MAP2K7: variants seen among roughly 807,000 people sequenced by gnomAD.
MAP2K7 encodes the protein mitogen-activated protein kinase kinase 7, also known as dual specificity mitogen-activated protein kinase kinase 7.
MAP2K7 carries 12 observed loss-of-function variants against 47.7 expected under a neutral mutation model. The ratio of observed to expected loss-of-function variants is 0.25; its 90% confidence interval spans 0.16 to 0.41. The LOEUF (loss-of-function observed/expected upper bound fraction) is 0.41. MAP2K7 is among the 10% of genes least tolerant of loss of function. The probability of loss-of-function intolerance (pLI) is 1.00; values close to 1 mark genes in which losing one functional copy is unlikely to be tolerated. For missense variants in MAP2K7, 415 were observed against 600.3 expected, an observed-to-expected ratio of 0.69 and a Z score of 3.23; for synonymous variants, 299 against 243.0, an observed-to-expected ratio of 1.23 and a Z score of -2.14.
rs1040881340 is a variant in MAP2K7, at chr19:7,913,035, GCGCT to G, written c.*608_*611del. On this transcript the variant is annotated 3_prime_UTR_variant, in exon 11 of 11. Coordinates refer to ENST00000397979, the MANE Select transcript of MAP2K7 (RefSeq NM_145185.4). ...TGCCACTGCGGCTGGACGGGGCTGCGCGCTCGCGCTCTCTCTCTCTCTCTCTCTC... is the reference window on the plus strand; with the variant it reads ...TGCCACTGCGGCTGGACGGGGCTGCGCGCGCTCTCTCTCTCTCTCTCTCTC... 5 of 142,074 alleles carry G rather than the reference GCGCT, an allele frequency of 3.5e-5. No homozygotes were observed. The highest frequency in any genetic ancestry group is 1.3e-4 in the African/African-American group (5 of 38,700). The allele number at this position is 142,074 out of a possible 1,614,324, so 8.8% of individuals were successfully genotyped here. A position where few individuals can be genotyped will look rare whatever the true frequency, so the allele number is the denominator to read the frequency against.
rs1465527349 is a variant in MAP2K7 at position 7,909,858 on chromosome 19, G to A, written c.228G>A (p.Gly76=). The part of the protein sequence containing the change: ...TPPARPRHML[G]LPSTLFTPRS... ...CCGCCCGGCCCCGCCACATGCTGGG[G>A]CTCCCGTCAACCCTGTTCACACCCC... Residue 76 remains glycine (G), a synonymous_variant, in exon 2 of 11, where the codon GGG becomes GGA. Coordinates refer to ENST00000397979, the MANE Select transcript of MAP2K7 (RefSeq NM_145185.4). The A allele has an allele frequency of 4.6e-6, 7 of 1,538,106 alleles. No homozygotes were observed. Among genetic ancestry groups the A allele is most frequent in the Non-Finnish European group, 6.1e-6 (7 of 1,141,848 alleles).
chr19:7,911,020 T>A lies in MAP2K7; in HGVS notation c.716T>A (p.Val239Asp). ...TACTACCTGAAGGAGAAGCACGGTGTCATCCACCGCGACGTCAAGCCCTCC... is the reference window on the plus strand; with the variant it reads ...TACTACCTGAAGGAGAAGCACGGTGACATCCACCGCGACGTCAAGCCCTCC... Reference protein sequence around the residue: ...ALYYLKEKHGVIHRDVKPSNI... With the variant: ...ALYYLKEKHGDIHRDVKPSNI... The change falls in exon 7 of 11, where the codon GTC (valine) becomes GAC (aspartate). Residue 239 changes from valine (V) to aspartate (D), a missense_variant. Physicochemically the swap from Val to Asp is radical, Grantham distance 152. Around this residue, in one of 3 missense-constraint regions of MAP2K7, gnomAD observed 206 missense variants for 368.8 expected, o/e 0.56. Transcript: ENST00000397979. The A allele has an allele frequency of 6.2e-7, 1 of 1,612,390 alleles. No homozygotes were observed. The highest frequency in any genetic ancestry group is 8.5e-7 in the Non-Finnish European group (1 of 1,179,566).
chr19:7,904,702 C>G (rs943871890), intron 1 of MAP2K7, among the ~76,000 whole-genome samples: 1 of 152,084 alleles, frequency 6.6e-6, no homozygotes, highest in Non-Finnish European at 1.5e-5. Flanking sequence ...TCAGCAGACC[C>G]CCTCCCACAT....
chr19:7,912,579 A>ACCCCCCCCCCC lies in MAP2K7; in HGVS notation c.*156_*157insCCCCCCCCCCC, dbSNP rs918753935. 1 of 752,158 alleles carries ACCCCCCCCCCC rather than the reference A, an allele frequency of 1.3e-6. No homozygotes were observed. 46.6% of individuals were successfully genotyped at this position (752,158 alleles called of 1,614,324 possible). A position where few individuals can be genotyped will look rare whatever the true frequency, so the allele number is the denominator to read the frequency against. ...GACAGAGAGTGGGGGGTGCCCACCC[A>ACCCCCCCCCCC]CCCCCCCCGCCCCGGGCCTACCAAG... On this transcript the variant is annotated 3_prime_UTR_variant, in exon 11 of 11. Transcript: ENST00000397979.
At position 7,910,704 on chromosome 19, in the gene MAP2K7, C is replaced by T. The variant is rs1982779701; in HGVS notation, c.576C>T (p.Val192=). The T allele has an allele frequency of 6.2e-7, 1 of 1,609,732 alleles. No homozygotes were observed. Among genetic ancestry groups the T allele is most frequent in the Non-Finnish European group, 8.5e-7 (1 of 1,178,030 alleles). Residue 192 remains valine, a synonymous_variant, in exon 6 of 11, where the codon GTC becomes GTT. Coordinates refer to ENST00000397979, the MANE Select transcript of MAP2K7 (RefSeq NM_145185.4). ...CFGTFITNTD[V]FIAMELMGTC... ...TGCCCCTCTCCCTGCAGACGGACGT[C>T]TTCATCGCCATGGAGCTCATGGGCA...
rs951244453 is a variant in MAP2K7 at position 7,912,700 on chromosome 19, C to G, written c.*269C>G. The G allele has an allele frequency of 1.9e-6, 1 of 521,900 alleles. No individual in the cohort carries two copies. The highest frequency in any genetic ancestry group is 3.4e-6 in the Non-Finnish European group (1 of 291,958). 32.3% of individuals were successfully genotyped at this position (521,900 alleles called of 1,614,324 possible). On this transcript the variant is annotated 3_prime_UTR_variant, in exon 11 of 11. Coordinates refer to ENST00000397979, the MANE Select transcript of MAP2K7 (RefSeq NM_145185.4). Reference sequence around the variant, plus strand: ...GCAGGCCGCGATCAGAGTCGCTGTTCATTCAGCCGCAGCCTCTGGGCCGGG... The same window carrying G: ...GCAGGCCGCGATCAGAGTCGCTGTTGATTCAGCCGCAGCCTCTGGGCCGGG...
intron 1 of MAP2K7, among the ~76,000 whole-genome samples, chr19:7,908,108 T>C (rs1199887422): frequency 6.7e-6 from 1 of 149,886 alleles, no homozygotes; most frequent in Middle Eastern, 3.2e-3. Flanking sequence ...GATGTTGCAG[T>C]GAGTTGAGAT....
chr19:7,911,193 G>T (rs751657972), intron 7 of MAP2K7, 34 bp downstream of exon 7: 2 of 1,607,862 alleles, frequency 1.2e-6, no homozygotes, highest in South Asian at 2.2e-5. Context: ...GGAGGGGGTG[G>T]GGGCTGGGAG....
chr19:7,905,344 C>T (rs1459775206), intron 1 of MAP2K7, among the ~76,000 whole-genome samples: 2 of 152,214 alleles, frequency 1.3e-5, no homozygotes, highest in Admixed American at 6.5e-5. Context: ...GTCCCTCCCT[C>T]TCCTGACCTG....
At position 7,913,058 on chromosome 19, in the gene MAP2K7, C is replaced by G. The variant is rs1381927818; in HGVS notation, c.*627C>G. The G allele has an allele frequency of 6.5e-6, 1 of 153,166 alleles. No individual in the cohort carries two copies. The highest frequency in any genetic ancestry group is 1.5e-5 in the Non-Finnish European group (1 of 68,568). The allele number at this position is 153,166 out of a possible 1,614,324, so 9.5% of individuals were successfully genotyped here. A position where few individuals can be genotyped will look rare whatever the true frequency, so the allele number is the denominator to read the frequency against. ...GCGCGCTCGCGCTCTCTCTCTCTCT[C>G]TCTCTCTCTCTTTGATCTCAGGGGG... On this transcript the variant is annotated 3_prime_UTR_variant, in exon 11 of 11. Transcript: ENST00000397979.
chr19:7,908,034 G>A (rs990615219), intron 1 of MAP2K7, among the ~76,000 whole-genome samples: 5 of 152,118 alleles, frequency 3.3e-5, no homozygotes, highest in African/African-American at 9.7e-5. Context: ...GTGTGGTGGC[G>A]TGTACCTATA....
intron 9 of MAP2K7, 92 bp downstream of exon 9, chr19:7,911,670 C>T: frequency 7.6e-7 from 1 of 1,317,166 alleles, no homozygotes; most frequent in Non-Finnish European, 1.0e-6. Flanking sequence ...GAGGCCGCAC[C>T]CTGGGATGGG....
chr19:7,905,336 C>T (rs904000450), intron 1 of MAP2K7, among the ~76,000 whole-genome samples: 1 of 152,222 alleles, frequency 6.6e-6, no homozygotes, highest in Non-Finnish European at 1.5e-5. Context: ...ACCCTCCTGT[C>T]CCTCCCTCTC....
intron 6 of MAP2K7, 70 bp from the exon 7 acceptor site, chr19:7,910,910 G>C: frequency 6.3e-7 from 1 of 1,584,532 alleles, no homozygotes; most frequent in East Asian, 2.3e-5. Context: ...GGCCAGGTGG[G>C]GCGTGCACCG....
chr19:7,905,897 T>C (rs770531539), intron 1 of MAP2K7: 9 of 1,591,966 alleles, frequency 5.7e-6, no homozygotes, highest in Non-Finnish European at 4.3e-6. Flanking sequence ...ATCTGCACCA[T>C]TGACCTAACC....
At position 7,911,111 on chromosome 19, in the gene MAP2K7, G is replaced by A. The variant is rs1469446563; in HGVS notation, c.807G>A (p.Val269=). The part of the protein sequence containing the change: ...LCDFGISGRL[V]DSKAKTRSAG... ...ACTTCGGCATCAGCGGCCGCCTGGT[G>A]GACTCCAAAGCCAAGACGCGGAGCG... The change falls in exon 7 of 11, where the codon GTG becomes GTA. Residue 269 remains valine (V), a synonymous_variant. Coordinates refer to ENST00000397979, the MANE Select transcript of MAP2K7 (RefSeq NM_145185.4). The A allele has an allele frequency of 1.2e-6, 2 of 1,612,300 alleles. No individual in the cohort carries two copies. Among genetic ancestry groups the A allele is most frequent in the South Asian group, 1.1e-5 (1 of 91,080 alleles).
In MAP2K7 at chr19:7,913,440, G is replaced by A. The variant is rs577898704; in HGVS notation, c.*1009G>A. The A allele has an allele frequency of 2.0e-5, 3 of 152,878 alleles. No individual in the cohort carries two copies. The highest frequency in any genetic ancestry group is 2.1e-4 in the South Asian group (1 of 4,844). The allele number at this position is 152,878 out of a possible 1,614,324, so 9.5% of individuals were successfully genotyped here. A position where few individuals can be genotyped will look rare whatever the true frequency, so the allele number is the denominator to read the frequency against. On this transcript the variant is annotated 3_prime_UTR_variant, in exon 11 of 11. Coordinates refer to ENST00000397979, the MANE Select transcript of MAP2K7 (RefSeq NM_145185.4). Reference sequence around the variant, plus strand: ...CGGAGCGGGGCCAAGGGAGGGGTCCGGAGGGAGTCAGGGATGGAGGGCAGA... The same window carrying A: ...CGGAGCGGGGCCAAGGGAGGGGTCCAGAGGGAGTCAGGGATGGAGGGCAGA...
intron 1 of MAP2K7, among the ~76,000 whole-genome samples, chr19:7,907,975 G>A (rs1034425526): frequency 6.6e-5 from 10 of 152,114 alleles, no homozygotes; most frequent in South Asian, 2.1e-4. Context: ...GAGAAGCCTG[G>A]CCAACATAGC....
chr19:7,905,210 C>T (rs771863936), intron 1 of MAP2K7, among the ~76,000 whole-genome samples: 5 of 152,110 alleles, frequency 3.3e-5, no homozygotes, highest in Non-Finnish European at 7.4e-5. Flanking sequence ...CTGATGTGAC[C>T]TTCGTAGTTT....
Sources: allele counts gnomAD v4.1 joint callset (sites outside exome capture counted in the v4.1 genomes callset), GRCh38; gene constraint gnomAD v4.1.1; regional missense constraint gnomAD v4.1.1; transcripts MANE v1.5; gene names NCBI Gene and HGNC (gene_info 2026-07-23, HGNC 2026-07-21).